The following C12orf75 variants were observed in gnomAD, a reference collection of about 807,000 sequenced individuals.
C12orf75 encodes chromosome 12 open reading frame 75.
Under a neutral mutation model 11.4 loss-of-function variants are expected in C12orf75, and 4 were observed. That is an observed-to-expected ratio of 0.35 (90% CI 0.17 to 0.80). The LOEUF is 0.80. C12orf75 is among the 30% of genes least tolerant of loss of function. C12orf75 has a pLI of 0.52. For missense variants in C12orf75, 89 were observed against 80.4 expected (o/e 1.11, Z -0.41); for synonymous variants, 30 against 30.0 (o/e 1.00, Z 0.00).
intron 2 of C12orf75, among the ~76,000 whole-genome samples, chr12:105,351,239 T>A (rs1031905108): frequency 1.4e-4 from 21 of 152,146 alleles, no homozygotes; most frequent in South Asian, 4.1e-4. Flanking sequence ...AATTTTTTTT[T>A]AAAATCTAAA....
chr12:105,333,452 CTAGT>C (rs1892461705), intron 1 of C12orf75, among the ~76,000 whole-genome samples: 1 of 152,158 alleles, frequency 6.6e-6, no homozygotes, highest in African/African-American at 2.4e-5. Context: ...TCTTTCTCTT[CTAGT>C]TACTTACAGT....
chr12:105,356,150 G>A (rs937593110), intron 2 of C12orf75, among the ~76,000 whole-genome samples: 8 of 152,176 alleles, frequency 5.3e-5, no homozygotes, highest in African/African-American at 1.9e-4. Context: ...GTAATTAAGG[G>A]TTTGCTAGAA....
intron 2 of C12orf75, among the ~76,000 whole-genome samples, chr12:105,349,197 T>C (rs1892680476): frequency 6.6e-6 from 1 of 152,226 alleles, no homozygotes; most frequent in Non-Finnish European, 1.5e-5. Flanking sequence ...CCCTTCTCTC[T>C]GCATCCTCCT....
Position 105,366,623 on chromosome 12 carries a change from T to C in C12orf75, c.114T>C (p.Tyr38=), listed in dbSNP as rs900548264. The C allele has an allele frequency of 5.3e-6, 8 of 1,517,962 alleles. No individual in the cohort carries two copies. Among genetic ancestry groups the C allele is most frequent in the Non-Finnish European group, 7.2e-6 (8 of 1,117,718 alleles). The allele number at this position is 1,517,962 out of a possible 1,614,324, so 94.0% of individuals were successfully genotyped here. A position where few individuals can be genotyped will look rare whatever the true frequency, so the allele number is the denominator to read the frequency against. Residue 38 remains tyrosine, a synonymous_variant, in exon 4 of 6, where the codon TAT becomes TAC. Transcript: ENST00000443585. ...TTGATTTCTTTTTATCAAGAAACTA[T>C]GGAGGAGTATATGTTGGCCTACCAT... ...SVTEDDKRRN[Y]GGVYVGLPSE... is the part of the protein sequence containing the mutation.
chr12:105,340,057 T>A (rs1327511313), intron 1 of C12orf75, among the ~76,000 whole-genome samples: 1 of 152,220 alleles, frequency 6.6e-6, no homozygotes, highest in Admixed American at 6.5e-5. Flanking sequence ...GTTTTTAATG[T>A]ATACGACAGG....
chr12:105,356,605 G>T (rs183799273), intron 2 of C12orf75, among the ~76,000 whole-genome samples: 1 of 152,280 alleles, frequency 6.6e-6, no homozygotes, highest in Non-Finnish European at 1.5e-5. Flanking sequence ...GAATTTTCAG[G>T]TAAGTTGTAG....
At chr12:105,331,334 C>A (rs1892419798) in intron 1 of C12orf75, among the ~76,000 whole-genome samples, 1 of 151,892 alleles carries the variant, frequency 6.6e-6, no homozygotes, top group Non-Finnish European at 1.5e-5. Flanking sequence ...GGAACCAAGG[C>A]GCTGCACCTG....
At chr12:105,336,248 G>T (rs574940537) in intron 1 of C12orf75, among the ~76,000 whole-genome samples, 3 of 152,334 alleles carry the variant, frequency 2.0e-5, no homozygotes. Context: ...TACGGGACGA[G>T]GAGGACAGAA....
chr12:105,352,516 A>G (rs1406694951), intron 2 of C12orf75, among the ~76,000 whole-genome samples: 1 of 152,254 alleles, frequency 6.6e-6, no homozygotes, highest in Non-Finnish European at 1.5e-5. Context: ...GACAATCATT[A>G]TGAACATTTT....
intron 2 of C12orf75, among the ~76,000 whole-genome samples, chr12:105,357,219 G>A (rs1592882825): frequency 6.6e-6 from 1 of 152,358 alleles, no homozygotes; most frequent in Non-Finnish European, 1.5e-5. Context: ...ACCCTGAGAA[G>A]GGTAAGAAGA....
At chr12:105,336,663 T>A (rs1892503131) in intron 1 of C12orf75, among the ~76,000 whole-genome samples, 1 of 152,032 alleles carries the variant, frequency 6.6e-6, no homozygotes, top group South Asian at 2.1e-4. Context: ...AGCGTTGAGG[T>A]CACAGATACG....
intron 2 of C12orf75, among the ~76,000 whole-genome samples, chr12:105,355,086 A>G (rs1449305185): frequency 6.6e-6 from 1 of 152,088 alleles, no homozygotes; most frequent in Non-Finnish European, 1.5e-5. Context: ...TTAGCGGAGC[A>G]GCACAGAAGT....
At chr12:105,341,666 T>G (rs1892575893) in intron 1 of C12orf75, among the ~76,000 whole-genome samples, 1 of 152,206 alleles carries the variant, frequency 6.6e-6, no homozygotes, top group Non-Finnish European at 1.5e-5. Context: ...TGCAGAAGCC[T>G]CTGGCCCCAG....
chr12:105,338,466 G>A (rs192302260), intron 1 of C12orf75, among the ~76,000 whole-genome samples: 51 of 152,246 alleles, frequency 3.3e-4, no homozygotes, highest in African/African-American at 1.2e-3. Flanking sequence ...GAGCCACTGC[G>A]CCTGGCCATT....
intron 2 of C12orf75, among the ~76,000 whole-genome samples, chr12:105,358,268 C>A (rs1892812821): frequency 6.6e-6 from 1 of 152,158 alleles, no homozygotes; most frequent in Admixed American, 6.5e-5. Context: ...GTAGTCCCAG[C>A]CACTCAGGAG....
intron 2 of C12orf75, among the ~76,000 whole-genome samples, chr12:105,354,398 T>C (rs1309967455): frequency 1.3e-5 from 2 of 152,202 alleles, no homozygotes; most frequent in African/African-American, 4.8e-5. Context: ...CTGTACGTTA[T>C]CTCCTTCCAT....
chr12:105,369,567 C>T (rs541467438), intron 5 of C12orf75, among the ~76,000 whole-genome samples: 8 of 152,182 alleles, frequency 5.3e-5, no homozygotes, highest in East Asian at 1.9e-4. Context: ...GGTTTTAAGC[C>T]GCACATGTAT....
At chr12:105,357,776 T>TTC (rs1395275864) in intron 2 of C12orf75, among the ~76,000 whole-genome samples, 3 of 76,950 alleles carry the variant, frequency 3.9e-5, no homozygotes, top group African/African-American at 1.4e-4. Flanking sequence ...CCAATGTATT[T>TTC]TCTGTGTGTG....
chr12:105,354,437 T>C (rs1345257541), intron 2 of C12orf75, among the ~76,000 whole-genome samples: 3 of 152,192 alleles, frequency 2.0e-5, no homozygotes, highest in Admixed American at 6.5e-5. Flanking sequence ...GACAGAATAA[T>C]GATGTTTCAT....
Sources: gnomAD v4.1 joint callset for allele counts (sites outside exome capture counted in the v4.1 genomes callset) on GRCh38, gnomAD v4.1.1 for gene constraint, MANE v1.5 for transcripts, NCBI Gene and HGNC (gene_info 2026-07-23, HGNC 2026-07-21) for gene names.